DLG2: variants seen among roughly 807,000 people sequenced by gnomAD.
DLG2 encodes the protein discs large MAGUK scaffold protein 2.
In DLG2, 45 loss-of-function variants were observed where a neutral mutation model predicts 132.5. The observed-to-expected ratio is 0.34, with a 90% CI of 0.27 to 0.44. The LOEUF is 0.44. DLG2 is among the 20% of genes least tolerant of loss of function. The pLI, the probability that DLG2 is intolerant of heterozygous loss-of-function variation, is 1.00. For missense variants in DLG2, 1,045 were observed against 1,196.9 expected (o/e 0.87, Z 1.87); for synonymous variants, 424 against 419.6 (o/e 1.01, Z -0.13).
At chr11:85,101,759 C>A (rs974700766) in intron 6 of DLG2, among the ~76,000 whole-genome samples, 78 of 152,032 alleles carry the variant, frequency 5.1e-4, no homozygotes, top group African/African-American at 1.8e-3. Context: ...TCTGGGAGAA[C>A]ATTTCGTATT....
rs2153116328 is a variant in DLG2 at position 85,496,946 on chromosome 11, C to T, written c.40+101711G>A. On this transcript the variant is annotated intron_variant, in intron 3 of 27. Coordinates refer to ENST00000376104, the MANE Select transcript of DLG2 (RefSeq NM_001142699.3). ...AAGTCATTGACTTTAAAGACCAAAGCTAGATAAAACCACAAAGACGGGGAG... is the reference window on the plus strand; with the variant it reads ...AAGTCATTGACTTTAAAGACCAAAGTTAGATAAAACCACAAAGACGGGGAG... 2.0e-5 allele frequency among the ~76,000 whole-genome samples: 3 copies of T among 152,226 alleles called. No homozygotes were observed. The South Asian group carries it at 6.2e-4, about 32-fold the overall frequency.
intron 6 of DLG2, among the ~76,000 whole-genome samples, chr11:85,054,240 G>A (rs2063221249): frequency 6.6e-6 from 1 of 151,184 alleles, no homozygotes; most frequent in African/African-American, 2.4e-5. Context: ...ACTCCAGCCT[G>A]GCGACAGAAC....
chr11:85,472,938 C>A (rs2093031386), intron 3 of DLG2, among the ~76,000 whole-genome samples: 1 of 152,242 alleles, frequency 6.6e-6, no homozygotes, highest in Admixed American at 6.5e-5. Flanking sequence ...TTCTGGGAGC[C>A]CAGACCTCAG....
intron 17 of DLG2, among the ~76,000 whole-genome samples, chr11:83,833,209 G>A (rs559166718): frequency 1.7e-4 from 26 of 152,260 alleles, no homozygotes; most frequent in Non-Finnish European, 2.8e-4. Context: ...AGGCTGAGGC[G>A]GGTGGATCAC....
At chr11:84,941,133 T>C (rs1182765810) in intron 6 of DLG2, among the ~76,000 whole-genome samples, 2 of 152,240 alleles carry the variant, frequency 1.3e-5, no homozygotes, top group Non-Finnish European at 2.9e-5. Flanking sequence ...ACTATAGCTC[T>C]GTAGTATAAT....
At chr11:84,557,634 G>A in intron 6 of DLG2, among the ~76,000 whole-genome samples, 1 of 151,042 alleles carries the variant, frequency 6.6e-6, no homozygotes, top group Non-Finnish European at 1.5e-5. Flanking sequence ...TTTACAGTAT[G>A]TTATTATTAG....
In DLG2 at chr11:83,790,132, A is replaced by G. The variant is rs549119707; in HGVS notation, c.1723-3340T>C. The G allele has an allele frequency of 5.1e-5, 44 of 869,002 alleles. No individual in the cohort carries two copies. In the East Asian group the frequency reaches 1.1e-3, roughly 21 times the overall value. The allele number at this position is 869,002 out of a possible 1,614,324, so 53.8% of individuals were successfully genotyped here. On this transcript the variant is annotated intron_variant, in intron 17 of 27. Coordinates refer to ENST00000376104, the MANE Select transcript of DLG2 (RefSeq NM_001142699.3). ...CTGGCTTGGCCAGTCTGACAAGGTA[A>G]GTTGCAGATCCAGGCAGCTGAGACC...
At chr11:83,813,957 T>C (rs1052101967) in intron 17 of DLG2, among the ~76,000 whole-genome samples, 4 of 152,142 alleles carry the variant, frequency 2.6e-5, no homozygotes, top group Non-Finnish European at 4.4e-5. Flanking sequence ...ATTGCCGAAA[T>C]TCACAATTAC....
At chr11:84,454,318 C>T (rs1331699563) in intron 7 of DLG2, among the ~76,000 whole-genome samples, 1 of 151,458 alleles carries the variant, frequency 6.6e-6, no homozygotes. Flanking sequence ...TATATTCTTA[C>T]TACCCATGGA....
chr11:83,546,015 G>A (rs1239330062), intron 19 of DLG2, among the ~76,000 whole-genome samples: 1 of 152,010 alleles, frequency 6.6e-6, no homozygotes, highest in African/African-American at 2.4e-5. Context: ...TTCCATCCAG[G>A]GTGCTTTTAG....
intron 6 of DLG2, among the ~76,000 whole-genome samples, chr11:84,604,455 G>T (rs1203232307): frequency 6.6e-6 from 1 of 151,770 alleles, no homozygotes; most frequent in Non-Finnish European, 1.5e-5. Flanking sequence ...GTCAAATTAA[G>T]GTATTTAAAC....
chr11:83,881,190 A>C (rs191475721), intron 15 of DLG2, among the ~76,000 whole-genome samples: 1 of 152,276 alleles, frequency 6.6e-6, no homozygotes, highest in East Asian at 1.9e-4. Context: ...TTTGGATCCC[A>C]TACTCCTGTC....
intron 26 of DLG2, among the ~76,000 whole-genome samples, chr11:83,463,474 A>G (rs780237165): frequency 2.0e-5 from 3 of 152,222 alleles, no homozygotes. Flanking sequence ...AGAGAAAGAT[A>G]AATATTTGCT....
chr11:83,836,491 C>T (rs1251589534), intron 16 of DLG2, among the ~76,000 whole-genome samples: 1 of 152,176 alleles, frequency 6.6e-6, no homozygotes, highest in Non-Finnish European at 1.5e-5. Context: ...GAATCCTCTT[C>T]ACATTTGGAA....
chr11:84,060,537 CTTTT>C (rs149848087), intron 10 of DLG2, among the ~76,000 whole-genome samples: 108,796 of 147,594 alleles, frequency 0.74, 41,365 homozygotes, highest in Middle Eastern at 0.88. Context: ...AAACTTTCCT[CTTTT>C]TTTTTTTTTT....
chr11:85,613,159 C>G lies in DLG2; in HGVS notation c.-93+13428G>C, dbSNP rs553465255. On this transcript the variant is annotated intron_variant, in intron 2 of 27. Coordinates refer to ENST00000376104, the MANE Select transcript of DLG2 (RefSeq NM_001142699.3). ...CTCCCCTTTCTAGGTCCCATGGCAG[C>G]CATCTTGCTGTTACTCGCCTTTGGG... Among the ~76,000 whole-genome samples the G allele has an allele frequency of 2.0e-5, 3 of 152,328 alleles. No individual in the cohort carries two copies. The East Asian group carries it at 5.8e-4, about 29-fold the overall frequency.
chr11:84,530,658 G>A (rs2154519976), intron 7 of DLG2, among the ~76,000 whole-genome samples: 1 of 152,282 alleles, frequency 6.6e-6, no homozygotes, highest in South Asian at 2.1e-4. Flanking sequence ...AAAAGGGAAT[G>A]CTTATACAGT....
chr11:83,609,684 G>A (rs1388959921), intron 19 of DLG2, among the ~76,000 whole-genome samples: 1 of 152,002 alleles, frequency 6.6e-6, no homozygotes, highest in Non-Finnish European at 1.5e-5. Context: ...TGCCAACCTT[G>A]GAGTTGAAAT....
In DLG2 at chr11:83,803,091, T is replaced by C. The variant is rs191039675; in HGVS notation, c.1723-16299A>G. On this transcript the variant is annotated intron_variant, in intron 17 of 27. Transcript: ENST00000376104. ...GGGTTATGTAGGCAAATTTAAAATA[T>C]GATAATATTTATAGAAAACATGAGT... is the stretch of plus-strand genomic sequence containing the variant. Among the ~76,000 whole-genome samples, 33 of 152,292 alleles carry C rather than the reference T, an allele frequency of 2.2e-4. 1 individual carries two copies. The highest frequency in any genetic ancestry group is 7.5e-4 in the African/African-American group (31 of 41,578).
Sources: allele counts gnomAD v4.1 joint callset (sites outside exome capture counted in the v4.1 genomes callset), GRCh38; gene constraint gnomAD v4.1.1; transcripts MANE v1.5; gene names NCBI Gene and HGNC (gene_info 2026-07-23, HGNC 2026-07-21).